Variants in RTN4 observed in about 807,000 individuals in gnomAD.
The protein encoded by RTN4 is reticulon 4.
RTN4 carries 32 observed loss-of-function variants against 90.4 expected under a neutral mutation model. The observed-to-expected ratio is 0.35, with a 90% CI of 0.27 to 0.48. The LOEUF (loss-of-function observed/expected upper bound fraction) is 0.48, where lower values mean the gene tolerates loss of function less well. Ranked by LOEUF, RTN4 falls within the 20% of genes least tolerant of loss-of-function variation. The pLI, the probability that RTN4 is intolerant of heterozygous loss-of-function variation, is 0.99. For synonymous variants in RTN4, 629 were observed against 552.5 expected (o/e 1.14, Z -1.94); for missense variants, 1,706 against 1,430.2 (o/e 1.19, Z -3.11).
chr2:55,109,027 T>C (rs1265483556), intron 1 of RTN4, among the ~76,000 whole-genome samples: 3 of 152,096 alleles, frequency 2.0e-5, no homozygotes, highest in African/African-American at 7.2e-5. Context: ...CAAGTACAAT[T>C]TCTAAATTAT....
At chr2:55,002,280 A>C (rs1679906224) in intron 3 of RTN4, among the ~76,000 whole-genome samples, 1 of 152,010 alleles carries the variant, frequency 6.6e-6, no homozygotes, top group African/African-American at 2.4e-5. Flanking sequence ...ACTGGTCTCA[A>C]ACTCCTGGGC....
At chr2:54,984,684 G>C (rs1678407485) in intron 4 of RTN4, among the ~76,000 whole-genome samples, 1 of 152,190 alleles carries the variant, frequency 6.6e-6, no homozygotes, top group Non-Finnish European at 1.5e-5. Context: ...ACAGGTATTA[G>C]ATACAAACCA....
In RTN4 at chr2:55,000,559, GCT is replaced by G. The variant is rs1679782491; in HGVS notation, c.3014-12863_3014-12862del. On this transcript the variant is annotated intron_variant, in intron 3 of 8. Coordinates refer to ENST00000337526, the MANE Select transcript of RTN4 (RefSeq NM_020532.5). ...TCTCCCAGTCTGAGCAAGGCACTGT[GCT>G]GAGTACATTGTATACATTACCTCGA... Among the ~76,000 whole-genome samples the G allele has an allele frequency of 2.0e-5, 3 of 152,114 alleles. No individual in the cohort carries two copies. The South Asian group carries it at 6.2e-4, about 32-fold the overall frequency.
At chr2:55,114,552 A>G (rs1188479536), upstream of RTN4, among the ~76,000 whole-genome samples, 1 of 152,188 alleles carries the variant, frequency 6.6e-6, no homozygotes, top group African/African-American at 2.4e-5. Flanking sequence ...TACAAAAATT[A>G]GATGAGCGTG....
At chr2:55,121,504 A>T in the RTN4 span, among the ~76,000 whole-genome samples, 1 of 152,194 alleles carries the variant, frequency 6.6e-6, no homozygotes, top group African/African-American at 2.4e-5. Context: ...CATTTGATTC[A>T]TGTTCTGTTT....
chr2:54,994,772 T>C (rs914832424), intron 3 of RTN4, among the ~76,000 whole-genome samples: 4 of 152,226 alleles, frequency 2.6e-5, no homozygotes, highest in African/African-American at 9.6e-5. Context: ...GATTAAACTC[T>C]ATTTAAAGAT....
intron 3 of RTN4, among the ~76,000 whole-genome samples, chr2:55,008,663 T>C (rs993641132): frequency 1.3e-5 from 2 of 152,094 alleles, no homozygotes; most frequent in African/African-American, 4.8e-5. Context: ...ATGAACTACA[T>C]TGGAACTTAA....
chr2:55,048,832 G>GT (rs930056251), intron 1 of RTN4, among the ~76,000 whole-genome samples: 1 of 152,100 alleles, frequency 6.6e-6, no homozygotes, highest in Non-Finnish European at 1.5e-5. Flanking sequence ...GAATCCACAG[G>GT]TTTTCCCTTC....
At chr2:55,033,212 A>G (rs1343362254) in intron 1 of RTN4, among the ~76,000 whole-genome samples, 1 of 152,174 alleles carries the variant, frequency 6.6e-6, no homozygotes, top group Non-Finnish European at 1.5e-5. Context: ...AAAGATAGAG[A>G]CAACCCTAAA....
intron 3 of RTN4, among the ~76,000 whole-genome samples, chr2:55,015,523 G>A (rs1356862166): frequency 6.6e-6 from 1 of 151,772 alleles, no homozygotes; most frequent in Non-Finnish European, 1.5e-5. Context: ...ATAAAATCAG[G>A]GAAAAAAATG....
At chr2:55,114,849 A>AC (rs1343122062), upstream of RTN4, among the ~76,000 whole-genome samples, 1 of 151,988 alleles carries the variant, frequency 6.6e-6, no homozygotes, top group Non-Finnish European at 1.5e-5. Flanking sequence ...AAGAATAGCC[A>AC]CCCCCATTCA....
chr2:55,081,735 T>C (rs1668722868), intron 1 of RTN4, among the ~76,000 whole-genome samples: 1 of 151,942 alleles, frequency 6.6e-6, no homozygotes, highest in East Asian at 1.9e-4. Context: ...TGATAGTGCA[T>C]GCCTGTGATC....
In RTN4 at chr2:54,987,633, G is replaced by T; in HGVS notation, c.3079C>A (p.Leu1027Met). 1 of 1,614,146 alleles carries T rather than the reference G, an allele frequency of 6.2e-7. No homozygotes were observed. The highest frequency in any genetic ancestry group is 8.5e-7 in the Non-Finnish European group (1 of 1,180,012). ...CTGAATACTGTCAATGAAAGCAGCA[G>T]GAATAGGCTGGCACCAAACACCACT... ...TGVVFGASLF[L>M]LLSLTVFSIV... is the part of the protein sequence containing the mutation. Residue 1027 changes from leucine (L) to methionine (M), a missense_variant, in exon 4 of 9, where the codon CTG becomes ATG. Leu to Met is a conservative substitution (Grantham distance 15). Coordinates refer to ENST00000337526, the MANE Select transcript of RTN4 (RefSeq NM_020532.5).
At chr2:55,009,585 A>ATT in intron 3 of RTN4, among the ~76,000 whole-genome samples, 1 of 152,214 alleles carries the variant, frequency 6.6e-6, no homozygotes, top group East Asian at 1.9e-4. Flanking sequence ...GATGCACATA[A>ATT]TCTGATTAAA....
Position 55,050,084 on chromosome 2 carries a change from C to G in RTN4, c.217G>C (p.Ala73Pro). The G allele has an allele frequency of 6.8e-7, 1 of 1,459,960 alleles. No homozygotes were observed. Among genetic ancestry groups the G allele is most frequent in the Non-Finnish European group, 9.0e-7 (1 of 1,111,522 alleles). 90.4% of individuals were successfully genotyped at this position (1,459,960 alleles called of 1,614,324 possible). ...AAGTCCATCAGGGGCGCGCCGGCGG[C>G]AGGGGCGGTGGGCACTGGGGCCGCG... ...LSAAPVPTAPAAGAPLMDFGN... is the reference protein window; with the variant it reads ...LSAAPVPTAPPAGAPLMDFGN... Residue 73 changes from alanine (A) to proline (P), a missense_variant, in exon 1 of 9, where the codon GCC (alanine) becomes CCC (proline). By Grantham distance (27) the Ala-to-Pro change is conservative. Transcript: ENST00000337526. The surrounding 1 kb of genome is among the most constrained non-coding windows in gnomAD (Gnocchi z 4.6).
chr2:55,125,263 T>C, the RTN4 span, among the ~76,000 whole-genome samples: 2,842 of 152,200 alleles, frequency 0.019, 44 homozygotes, highest in Middle Eastern at 0.058. Flanking sequence ...ACAAGTGGGA[T>C]CTAATTAAAC....
rs1667990866 is a variant in RTN4, at chr2:55,049,733, C to G, written c.556+12G>C. ...CGAGGGGCGGCGCGAAGCGAGAGGT[C>G]GCGGCACTCACCCACTGAGCCCGAG... On this transcript the variant is annotated intron_variant, in intron 1 of 8. Coordinates refer to ENST00000337526, the MANE Select transcript of RTN4 (RefSeq NM_020532.5). 7.2e-7 allele frequency: 1 copy of G among 1,390,522 alleles called. No individual in the cohort carries two copies. Among genetic ancestry groups the G allele is most frequent in the Non-Finnish European group, 9.4e-7 (1 of 1,065,764 alleles). 86.1% of individuals were successfully genotyped at this position (1,390,522 alleles called of 1,614,324 possible).
intron 3 of RTN4, among the ~76,000 whole-genome samples, chr2:55,019,294 T>C (rs897375447): frequency 1.3e-5 from 2 of 152,172 alleles, no homozygotes; most frequent in Non-Finnish European, 2.9e-5. Flanking sequence ...TCAACTCTCA[T>C]GGTAAAGACT....
At chr2:55,031,411 T>C (rs1682305420) in intron 1 of RTN4, among the ~76,000 whole-genome samples, 1 of 152,128 alleles carries the variant, frequency 6.6e-6, no homozygotes. Context: ...CAGGGTAACA[T>C]ACAAAGTAAA....
Sources: allele counts gnomAD v4.1 joint callset (sites outside exome capture counted in the v4.1 genomes callset), GRCh38; gene constraint gnomAD v4.1.1; non-coding constraint Gnocchi (gnomAD v3.1); transcripts MANE v1.5; gene names NCBI Gene and HGNC (gene_info 2026-07-23, HGNC 2026-07-21).